LMLN: variants seen among roughly 807,000 people sequenced by gnomAD.
The protein encoded by LMLN is leishmanolysin like peptidase, also known as leishmanolysin-like peptidase.
Under a neutral mutation model 92.3 loss-of-function variants are expected in LMLN, and 70 were observed. The ratio of observed to expected loss-of-function variants is 0.76; its 90% CI spans 0.63 to 0.92. The LOEUF is 0.92. LMLN is among the 40% of genes least tolerant of loss of function. The probability of loss-of-function intolerance (pLI) is 0.00; values close to 1 mark genes in which losing one functional copy is unlikely to be tolerated. For synonymous variants in LMLN, 308 were observed against 296.2 expected (o/e 1.04, Z -0.41); for missense variants, 691 against 814.6 (o/e 0.85, Z 1.85).
chr3:198,029,480 C>T (rs1191693453), intron 14 of LMLN, among the ~76,000 whole-genome samples: 1 of 152,044 alleles, frequency 6.6e-6, no homozygotes, highest in Non-Finnish European at 1.5e-5. Flanking sequence ...GAGATCAGCC[C>T]AGGCAACATG....
intron 15 of LMLN, 47 bp from the exon 17 acceptor site, chr3:198,038,520 A>G (rs1234777425): frequency 1.5e-6 from 2 of 1,311,578 alleles, no homozygotes; most frequent in African/African-American, 2.9e-5. Flanking sequence ...GGTATGATTT[A>G]TCCCAAAATT....
rs560607154 is a variant in LMLN, at chr3:198,038,064, C to G, written c.1868-503C>G. ...GCCTGTTGTCGTTATTGATGCTCCT[C>G]TCCCTTGCCTCCTCACAGTCCGTCT... On this transcript the variant is annotated intron_variant, in intron 15 of 15. Coordinates refer to ENST00000330198, the Ensembl canonical transcript of LMLN. 4.0e-5 allele frequency among the ~76,000 whole-genome samples: 6 copies of G among 148,346 alleles called. No homozygotes were observed. The South Asian group carries it at 1.3e-3, about 31-fold the overall frequency.
At chr3:198,036,694 G>A (rs994605364) in intron 15 of LMLN, among the ~76,000 whole-genome samples, 5 of 152,076 alleles carry the variant, frequency 3.3e-5, no homozygotes, top group African/African-American at 1.2e-4. Flanking sequence ...TGAGAAGAAC[G>A]CCTTCCCCAT....
rs148926089 is a variant in LMLN, at chr3:198,026,040, G to A, written c.1656+1252G>A. Among the ~76,000 whole-genome samples the A allele has an allele frequency of 4.6e-5, 7 of 151,026 alleles. No homozygotes were observed. The South Asian group carries it at 1.3e-3, about 27-fold the overall frequency. The stretch of plus-strand genomic sequence containing the variant: ...GTGCGATCACGCTCACTGCAGCCAC[G>A]AACTCCCAGGCTCAGGCGATTCTCC... On this transcript the variant is annotated intron_variant, in intron 14 of 15. Transcript: ENST00000330198.
intron 11 of LMLN, among the ~76,000 whole-genome samples, chr3:198,015,844 C>G (rs1010631156): frequency 6.6e-6 from 1 of 152,196 alleles, no homozygotes; most frequent in Non-Finnish European, 1.5e-5. Context: ...AAAAGCACAT[C>G]TAGTCCATCT....
At chr3:197,980,214 A>G in intron 5 of LMLN, 112 bp from the exon 6 acceptor site, 1 of 828,002 alleles carries the variant, frequency 1.2e-6, no homozygotes, top group East Asian at 2.5e-5. Context: ...GTTTAGGGAT[A>G]ATAAAGATTA....
At chr3:198,021,311 G>T in intron 12 of LMLN, 135 bp from the exon 14 acceptor site, 1 of 699,958 alleles carries the variant, frequency 1.4e-6, no homozygotes, top group Non-Finnish European at 2.4e-6. Flanking sequence ...TTTATTTGGT[G>T]CCATTGATGA....
intron 9 of LMLN, 128 bp downstream of exon 9, chr3:197,990,804 G>C: frequency 1.3e-5 from 7 of 554,194 alleles, no homozygotes; most frequent in Non-Finnish European, 2.3e-5. Flanking sequence ...GTCATATAAA[G>C]GGAATGCAAT....
Position 198,019,582 on chromosome 3 carries a change from C to T in LMLN, c.1365+197C>T. ...TTGATAGCACTTAGTTAAAATCTAG[C>T]AGTGTCTTATAATAATGGCAAGAAT... On this transcript the variant is annotated intron_variant, in intron 12 of 15. Coordinates refer to ENST00000330198, the Ensembl canonical transcript of LMLN. This position sits in a 1 kb window ranked among gnomAD's most constrained non-coding sequence, Gnocchi z 5.5. Among the ~76,000 whole-genome samples, 1 of 152,160 alleles carries T rather than the reference C, an allele frequency of 6.6e-6. No homozygotes were observed. Among genetic ancestry groups the T allele is most frequent in the South Asian group, 2.1e-4 (1 of 4,830 alleles).
In LMLN at chr3:198,031,824, T is replaced by C. The variant is rs183010776; in HGVS notation, c.1657-4009T>C. ...TCATATTCAAGAAGTGACTGGAGCC[T>C]GGCACAGTGGCTCACACCTGTAATC... On this transcript the variant is annotated intron_variant, in intron 14 of 15. Coordinates refer to ENST00000330198, the Ensembl canonical transcript of LMLN. This position sits in a 1 kb window ranked among gnomAD's most constrained non-coding sequence, Gnocchi z 4.8. 4.9e-3 allele frequency among the ~76,000 whole-genome samples: 740 copies of C among 152,166 alleles called. 25 individuals carry two copies. The highest frequency in any genetic ancestry group is 0.043 in the Admixed American group (663 of 15,276).
intron 1 of LMLN, 76 bp from the exon 2 acceptor site, chr3:197,974,301 C>A: frequency 1.4e-6 from 1 of 733,278 alleles, no homozygotes; most frequent in Non-Finnish European, 2.3e-6. Flanking sequence ...AAATTTAGTT[C>A]ATTAATTTTA....
intron 1 of LMLN, among the ~76,000 whole-genome samples, chr3:197,967,971 A>C (rs540333499): frequency 6.6e-6 from 1 of 152,186 alleles, no homozygotes; most frequent in South Asian, 2.1e-4. Flanking sequence ...GTCACACCTT[A>C]TGGTTGTCTT....
exon 5 of LMLN, chr3:197,976,715 G>C: frequency 2.7e-6 from 4 of 1,479,168 alleles, no homozygotes; most frequent in Non-Finnish European, 3.7e-6. Context: ...AACATCTCCA[G>C]GTATTTCACC....
intron 11 of LMLN, among the ~76,000 whole-genome samples, chr3:198,000,921 T>A (rs182485849): frequency 1.6e-3 from 238 of 152,180 alleles, no homozygotes; most frequent in African/African-American, 5.2e-3. Flanking sequence ...TTTTATTATT[T>A]TTTTTTATTT....
Position 197,962,025 on chromosome 3 carries a change from A to G in LMLN, c.219+1585A>G, listed in dbSNP as rs371696998. On this transcript the variant is annotated intron_variant, in intron 1 of 15. Transcript: ENST00000330198. ...TTTGAAGTTTTTTGGTAAAATTTAC[A>G]TATATTGAAATGCCACAAATGTATC... is the stretch of plus-strand genomic sequence containing the variant. Among the ~76,000 whole-genome samples, 8 of 152,282 alleles carry G rather than the reference A, an allele frequency of 5.3e-5. No homozygotes were observed. In the East Asian group the frequency reaches 1.4e-3, roughly 26 times the overall value.
At chr3:197,981,021 T>C (rs1721542065) in intron 6 of LMLN, among the ~76,000 whole-genome samples, 1 of 152,116 alleles carries the variant, frequency 6.6e-6, no homozygotes, top group Non-Finnish European at 1.5e-5. Context: ...GAGGATTGCT[T>C]GAGCCTGAGA....
chr3:198,015,029 C>T (rs1722585169), intron 11 of LMLN, among the ~76,000 whole-genome samples: 2 of 146,738 alleles, frequency 1.4e-5, no homozygotes, highest in African/African-American at 5.1e-5. Context: ...CCCTTCAGAG[C>T]CCCCTAACTA....
At chr3:198,000,984 C>T (rs1184278942) in intron 11 of LMLN, among the ~76,000 whole-genome samples, 1 of 152,034 alleles carries the variant, frequency 6.6e-6, no homozygotes, top group Non-Finnish European at 1.5e-5. Flanking sequence ...AGATCCACTA[C>T]GTTGGTTTGA....
chr3:197,978,012 T>C (rs1721448475), intron 5 of LMLN, among the ~76,000 whole-genome samples: 1 of 151,962 alleles, frequency 6.6e-6, no homozygotes, highest in Non-Finnish European at 1.5e-5. Context: ...TCTGGATACA[T>C]ATAAAAATCA....
Sources: allele counts gnomAD v4.1 joint callset (sites outside exome capture counted in the v4.1 genomes callset), GRCh38; gene constraint gnomAD v4.1.1; non-coding constraint Gnocchi (gnomAD v3.1); transcripts MANE v1.5; gene names NCBI Gene and HGNC (gene_info 2026-07-23, HGNC 2026-07-21).